The following KCNC2 variants were observed in gnomAD, a reference collection of about 807,000 sequenced individuals.
KCNC2 encodes the protein voltage-gated potassium channel KCNC2.
In KCNC2, 21 loss-of-function variants were observed where a neutral mutation model predicts 44.5. The observed-to-expected ratio is 0.47, with a 90% confidence interval of 0.33 to 0.68. The LOEUF (loss-of-function observed/expected upper bound fraction) is 0.68. KCNC2 is among the 30% of genes least tolerant of loss of function. KCNC2 has a pLI of 0.01. For synonymous variants in KCNC2, 391 were observed against 339.1 expected, an observed-to-expected ratio of 1.15 and a Z score of -1.68; for missense variants, 589 against 826.2, an observed-to-expected ratio of 0.71 and a Z score of 3.52.
intron 2 of KCNC2, among the ~76,000 whole-genome samples, chr12:75,171,750 TAGAAG>T (rs1216635897): frequency 6.6e-6 from 1 of 151,776 alleles, no homozygotes; most frequent in Non-Finnish European, 1.5e-5. Context: ...TAAAAATAGC[TAGAAG>T]AGAAGATTTA....
At position 75,041,031 on chromosome 12, in the gene KCNC2, T is replaced by C. The variant is rs916701509; in HGVS notation, c.*2074A>G. 2.4e-6 allele frequency: 3 copies of C among 1,275,318 alleles called. No individual in the cohort carries two copies. Among genetic ancestry groups the C allele is most frequent in the Non-Finnish European group, 3.4e-6 (3 of 890,352 alleles). The allele number at this position is 1,275,318 out of a possible 1,614,324, so 79.0% of individuals were successfully genotyped here. On this transcript the variant is annotated 3_prime_UTR_variant, in exon 5 of 5. Transcript: ENST00000549446. ...AGCACCAGATGAGTTCCAGCCGCAG[T>C]TCTTTTATAAGCTTTAAGTGCCTCA... is the stretch of plus-strand genomic sequence containing the variant.
At chr12:75,189,333 G>A (rs1226942338) in intron 2 of KCNC2, among the ~76,000 whole-genome samples, 1 of 152,132 alleles carries the variant, frequency 6.6e-6, no homozygotes, top group African/African-American at 2.4e-5. Flanking sequence ...AGAGGACAAG[G>A]GGTACTCCTG....
chr12:75,134,366 A>G (rs1351259715), intron 2 of KCNC2, among the ~76,000 whole-genome samples: 1 of 151,996 alleles, frequency 6.6e-6, no homozygotes, highest in Non-Finnish European at 1.5e-5. Context: ...TGATTAATAC[A>G]TATGTGCATG....
intron 2 of KCNC2, among the ~76,000 whole-genome samples, chr12:75,192,970 G>T (rs1210446092): frequency 6.6e-6 from 1 of 152,088 alleles, no homozygotes; most frequent in Non-Finnish European, 1.5e-5. Context: ...GCCAGATTTA[G>T]TTATTTTACA....
chr12:75,058,860 G>A (rs533982153), intron 2 of KCNC2, among the ~76,000 whole-genome samples: 59 of 152,146 alleles, frequency 3.9e-4, no homozygotes, highest in African/African-American at 1.3e-3. Context: ...TAGCTCCAAT[G>A]AAGCCCCATA....
intron 2 of KCNC2, among the ~76,000 whole-genome samples, chr12:75,157,051 C>A (rs1890810267): frequency 6.6e-6 from 1 of 151,840 alleles, no homozygotes; most frequent in Non-Finnish European, 1.5e-5. Flanking sequence ...CTGTGAAGAG[C>A]CTGATGTTGC....
At chr12:75,158,053 T>C (rs977876528) in intron 2 of KCNC2, among the ~76,000 whole-genome samples, 1 of 151,914 alleles carries the variant, frequency 6.6e-6, no homozygotes, top group East Asian at 1.9e-4. Flanking sequence ...CTTATAGCCC[T>C]TATTTATACA....
At chr12:75,185,916 G>A (rs1467419068) in intron 2 of KCNC2, among the ~76,000 whole-genome samples, 5 of 151,710 alleles carry the variant, frequency 3.3e-5, no homozygotes, top group African/African-American at 1.2e-4. Context: ...CATGGTGGCA[G>A]GTGCCTGTAA....
chr12:75,095,074 A>C (rs1381234816), intron 2 of KCNC2, among the ~76,000 whole-genome samples: 1 of 151,862 alleles, frequency 6.6e-6, no homozygotes, highest in African/African-American at 2.4e-5. Context: ...AGCTCATTGA[A>C]ATACTGAAGG....
intron 2 of KCNC2, among the ~76,000 whole-genome samples, chr12:75,071,886 T>A (rs1883441683): frequency 8.1e-6 from 1 of 124,126 alleles, no homozygotes; most frequent in Non-Finnish European, 1.5e-5. Context: ...TGCAGTGAGC[T>A]GAGATCACGC....
At chr12:75,167,112 C>T (rs1891508190) in intron 2 of KCNC2, among the ~76,000 whole-genome samples, 1 of 151,098 alleles carries the variant, frequency 6.6e-6, no homozygotes, top group African/African-American at 2.4e-5. Flanking sequence ...TCACTAGCAA[C>T]CTCAAACAAA....
chr12:75,054,022 A>C (rs1243967383), intron 2 of KCNC2, among the ~76,000 whole-genome samples: 1 of 151,592 alleles, frequency 6.6e-6, no homozygotes, highest in East Asian at 1.9e-4. Context: ...CAGGAGTTCA[A>C]GACCATCCTG....
intron 2 of KCNC2, chr12:75,124,738 A>C (rs1175771986): frequency 1.3e-5 from 2 of 152,116 alleles, no homozygotes; most frequent in African/African-American, 4.8e-5. Context: ...TCCCACCAAA[A>C]TTTATCATTC....
At chr12:75,188,544 T>G (rs2029891318) in intron 2 of KCNC2, among the ~76,000 whole-genome samples, 1 of 152,038 alleles carries the variant, frequency 6.6e-6, no homozygotes, top group Non-Finnish European at 1.5e-5. Context: ...GTATCATACT[T>G]TATCTGGCAG....
At chr12:75,098,144 G>A (rs1036198719) in intron 2 of KCNC2, among the ~76,000 whole-genome samples, 37 of 151,988 alleles carry the variant, frequency 2.4e-4, no homozygotes, top group Non-Finnish European at 4.0e-4. Flanking sequence ...TTCTCGGCTA[G>A]ATAAGAATAA....
chr12:75,128,345 T>C (rs961770545), intron 2 of KCNC2, among the ~76,000 whole-genome samples: 2 of 152,162 alleles, frequency 1.3e-5, no homozygotes, highest in Admixed American at 6.5e-5. Context: ...TACTCATTAT[T>C]TCGTGATTCC....
intron 2 of KCNC2, among the ~76,000 whole-genome samples, chr12:75,111,592 A>C (rs1235606337): frequency 6.6e-6 from 1 of 152,018 alleles, no homozygotes. Context: ...TTTTTTCTCC[A>C]ATTTTTATTG....
At chr12:75,180,930 C>CA (rs1340582249) in intron 2 of KCNC2, among the ~76,000 whole-genome samples, 2 of 151,886 alleles carry the variant, frequency 1.3e-5, no homozygotes, top group South Asian at 2.1e-4. Flanking sequence ...ATACCTTTTC[C>CA]AAAAAAATCA....
At position 75,041,366 on chromosome 12, in the gene KCNC2, C is replaced by T. The variant is rs925289425; in HGVS notation, c.*1739G>A. 2.0e-4 allele frequency: 288 copies of T among 1,442,116 alleles called. No individual in the cohort carries two copies. The highest frequency in any genetic ancestry group is 2.6e-4 in the Non-Finnish European group (285 of 1,095,846). 89.3% of individuals were successfully genotyped at this position (1,442,116 alleles called of 1,614,324 possible). The stretch of plus-strand genomic sequence containing the variant: ...TAAATACATTGCTGTACAACATCTC[C>T]AACATGCAGGTCATGCTCTAGGACT... On this transcript the variant is annotated 3_prime_UTR_variant, in exon 5 of 5. Transcript: ENST00000549446.
Sources: allele counts gnomAD v4.1 joint callset (sites outside exome capture counted in the v4.1 genomes callset), GRCh38; gene constraint gnomAD v4.1.1; transcripts MANE v1.5; gene names NCBI Gene and HGNC (gene_info 2026-07-23, HGNC 2026-07-21).